UBE3D: variants seen among roughly 807,000 people sequenced by gnomAD.
The protein encoded by UBE3D is E3 ubiquitin-protein ligase E3D.
Under a neutral mutation model 49.6 loss-of-function variants are expected in UBE3D, and 48 were observed. The observed-to-expected ratio is 0.97, with a 90% CI of 0.77 to 1.23. The LOEUF (loss-of-function observed/expected upper bound fraction) is 1.23, where lower values mean the gene tolerates loss of function less well. UBE3D is among the 50% of genes most tolerant of loss of function. The pLI is 0.00. For missense variants in UBE3D, 452 were observed against 468.4 expected, an observed-to-expected ratio of 0.96 and a Z score of 0.32; for synonymous variants, 189 against 174.2, an observed-to-expected ratio of 1.08 and a Z score of -0.67.
intron 8 of UBE3D, among the ~76,000 whole-genome samples, chr6:82,968,493 A>G (rs1777113641): frequency 6.6e-6 from 1 of 152,164 alleles, no homozygotes; most frequent in Non-Finnish European, 1.5e-5. Flanking sequence ...TTTTCCTGCT[A>G]TGAACAATAT....
In UBE3D at chr6:82,992,322, A is replaced by G. The variant is rs1009810079; in HGVS notation, c.1010+26651T>C. ...ACTGCAACCTCTGCCTCCTGGGTTC[A>G]AGCAATTCTCCCGCCTCAGCTTCCT... On this transcript the variant is annotated intron_variant, in intron 8 of 9. Transcript: ENST00000369747. 2.7e-5 allele frequency among the ~76,000 whole-genome samples: 4 copies of G among 147,936 alleles called. No homozygotes were observed. In the Admixed American group the frequency reaches 2.8e-4, roughly 10 times the overall value.
intron 5 of UBE3D, among the ~76,000 whole-genome samples, chr6:83,034,558 G>A (rs1782106767): frequency 6.6e-6 from 1 of 152,084 alleles, no homozygotes; most frequent in Non-Finnish European, 1.5e-5. Flanking sequence ...GGAAGTGATT[G>A]GATCATGGGG....
intron 8 of UBE3D, among the ~76,000 whole-genome samples, chr6:82,989,434 A>C (rs1778736512): frequency 6.6e-6 from 1 of 152,060 alleles, no homozygotes; most frequent in Admixed American, 6.6e-5. Flanking sequence ...ACTTTTATGC[A>C]ACAAGAGTGC....
the UBE3D span, among the ~76,000 whole-genome samples, chr6:82,883,566 G>A: frequency 6.6e-6 from 1 of 152,116 alleles, no homozygotes; most frequent in Non-Finnish European, 1.5e-5. Flanking sequence ...TAAAACACAA[G>A]AATCATTATA....
chr6:82,963,638 T>G (rs1465776454), intron 8 of UBE3D, among the ~76,000 whole-genome samples: 1 of 152,150 alleles, frequency 6.6e-6, no homozygotes, highest in Admixed American at 6.6e-5. Context: ...TTCTGCCTGC[T>G]TTATATCCTG....
At chr6:82,979,200 C>T (rs1379497233) in intron 8 of UBE3D, among the ~76,000 whole-genome samples, 2 of 152,134 alleles carry the variant, frequency 1.3e-5, no homozygotes, top group East Asian at 3.8e-4. Flanking sequence ...TTAATACATA[C>T]TTGCTAAATG....
At chr6:82,985,932 T>C (rs1193689906) in intron 8 of UBE3D, among the ~76,000 whole-genome samples, 1 of 152,148 alleles carries the variant, frequency 6.6e-6, no homozygotes, top group African/African-American at 2.4e-5. Context: ...TAATACATTT[T>C]AATATTAATA....
At chr6:82,947,935 AC>A (rs1282704196) in intron 9 of UBE3D, among the ~76,000 whole-genome samples, 1 of 152,040 alleles carries the variant, frequency 6.6e-6, no homozygotes, top group Non-Finnish European at 1.5e-5. Flanking sequence ...TCAATAAACA[AC>A]CTAATGATTC....
rs1562195730 is a variant in UBE3D at position 83,022,328 on chromosome 6, G to GATATT, written c.846+120_846+124dup. ...AGGCATAAGCCACCGTGCCCAGCCT[G>GATATT]ATATTAACATTTTTAATCACTTATT... is the stretch of plus-strand genomic sequence containing the variant. On this transcript the variant is annotated intron_variant, in intron 7 of 9. Coordinates refer to ENST00000369747, the MANE Select transcript of UBE3D (RefSeq NM_198920.3). The GATATT allele has an allele frequency of 1.4e-5, 9 of 661,020 alleles. No individual in the cohort carries two copies. The East Asian group carries it at 3.1e-4, about 23-fold the overall frequency. 40.9% of individuals were successfully genotyped at this position (661,020 alleles called of 1,614,324 possible).
At chr6:82,945,243 C>T (rs956719002) in intron 9 of UBE3D, among the ~76,000 whole-genome samples, 3 of 152,126 alleles carry the variant, frequency 2.0e-5, no homozygotes, top group Admixed American at 6.5e-5. Context: ...ACCTCAGCCC[C>T]AGGTGGCTCA....
At chr6:82,995,825 G>A (rs1445247992) in intron 8 of UBE3D, among the ~76,000 whole-genome samples, 1 of 152,110 alleles carries the variant, frequency 6.6e-6, no homozygotes, top group Non-Finnish European at 1.5e-5. Flanking sequence ...CCAGCACTTC[G>A]GGAGGCCAAG....
chr6:82,902,316 TA>T lies in UBE3D; in HGVS notation c.1150-9275del, dbSNP rs569360306. 4.6e-5 allele frequency among the ~76,000 whole-genome samples: 7 copies of T among 152,310 alleles called. No individual in the cohort carries two copies. In the East Asian group the frequency reaches 1.3e-3, roughly 29 times the overall value. On this transcript the variant is annotated intron_variant, in intron 9 of 9. Transcript: ENST00000369747. ...AATTTGTCCCAGAGAAATAGAAACT[TA>T]TGTTCACATAATAATCTGTACACGA...
intron 9 of UBE3D, among the ~76,000 whole-genome samples, chr6:82,898,267 T>C (rs1436023409): frequency 3.3e-5 from 5 of 152,200 alleles, no homozygotes; most frequent in Admixed American, 6.5e-5. Context: ...GAAGACAGTA[T>C]GGCGATTCCT....
In UBE3D at chr6:83,015,452, T is replaced by C. The variant is rs116826123; in HGVS notation, c.1010+3521A>G. 6.8e-3 allele frequency among the ~76,000 whole-genome samples: 1,029 copies of C among 152,246 alleles called. 16 individuals carry two copies. Among genetic ancestry groups the C allele is most frequent in the African/African-American group, 0.024 (978 of 41,524 alleles). On this transcript the variant is annotated intron_variant, in intron 8 of 9. Transcript: ENST00000369747. ...TAGAACCTTTTGTAACTCCCCAAAC[T>C]GCAACATTAAAAGGAGAGTCCCTAC...
intron 7 of UBE3D, 21 bp from the exon 8 acceptor site, chr6:83,019,157 T>A: frequency 6.2e-7 from 1 of 1,600,494 alleles, no homozygotes; most frequent in Non-Finnish European, 8.5e-7. Context: ...GAAGAGAAAG[T>A]CCAAGTATAA....
At chr6:82,919,631 TA>T (rs1314075135) in intron 9 of UBE3D, among the ~76,000 whole-genome samples, 1 of 151,240 alleles carries the variant, frequency 6.6e-6, no homozygotes, top group South Asian at 2.1e-4. Context: ...ATAATAATAA[TA>T]AAAAAAGAAG....
At chr6:83,005,204 T>C (rs950732529) in intron 8 of UBE3D, among the ~76,000 whole-genome samples, 2 of 151,796 alleles carry the variant, frequency 1.3e-5, no homozygotes, top group African/African-American at 2.4e-5. Flanking sequence ...AAAAATGATA[T>C]ACAAATAACC....
intron 8 of UBE3D, among the ~76,000 whole-genome samples, chr6:82,963,865 C>T (rs751264788): frequency 6.6e-6 from 1 of 152,096 alleles, no homozygotes; most frequent in African/African-American, 2.4e-5. Flanking sequence ...ATTTTAAGAA[C>T]CATAGGGCAG....
intron 9 of UBE3D, among the ~76,000 whole-genome samples, chr6:82,906,751 G>T (rs1183574257): frequency 1.3e-5 from 2 of 152,154 alleles, no homozygotes; most frequent in Admixed American, 1.3e-4. Context: ...TCAAAGTGCA[G>T]CAAGAAAACA....
Sources: gnomAD v4.1 joint callset for allele counts (sites outside exome capture counted in the v4.1 genomes callset) on GRCh38, gnomAD v4.1.1 for gene constraint, MANE v1.5 for transcripts, NCBI Gene and HGNC (gene_info 2026-07-23, HGNC 2026-07-21) for gene names.